FAM3B: variants seen among roughly 807,000 people sequenced by gnomAD.
FAM3B encodes the protein protein FAM3B.
Under a neutral mutation model 28.4 loss-of-function variants are expected in FAM3B, and 29 were observed. The ratio of observed to expected loss-of-function variants is 1.02; its 90% CI spans 0.76 to 1.39. The LOEUF is 1.39. Ranked by LOEUF, FAM3B falls within the 40% of genes most tolerant of loss-of-function variation. The pLI is 0.00. For missense variants in FAM3B, 266 were observed against 293.9 expected, an observed-to-expected ratio of 0.91 and a Z score of 0.69; for synonymous variants, 91 against 103.0, an observed-to-expected ratio of 0.88 and a Z score of 0.71.
At chr21:41,309,026 C>G (rs796576843) in intron 1 of FAM3B, among the ~76,000 whole-genome samples, 6 of 152,248 alleles carry the variant, frequency 3.9e-5, no homozygotes, top group African/African-American at 1.4e-4. Flanking sequence ...CAAGAAGACT[C>G]TGATGCAGGG....
At chr21:41,355,875 C>T (rs1323198410) in intron 7 of FAM3B, among the ~76,000 whole-genome samples, 1 of 152,124 alleles carries the variant, frequency 6.6e-6, no homozygotes. Flanking sequence ...GGATATATTA[C>T]TGGAATTCCA....
intron 3 of FAM3B, among the ~76,000 whole-genome samples, chr21:41,342,687 C>T (rs1464552700): frequency 6.6e-6 from 1 of 152,158 alleles, no homozygotes; most frequent in Admixed American, 6.5e-5. Context: ...TTAAAATCAG[C>T]ATGTCAGTTT....
chr21:41,314,686 C>T (rs2088734264), upstream of FAM3B, among the ~76,000 whole-genome samples: 1 of 151,780 alleles, frequency 6.6e-6, no homozygotes, highest in Admixed American at 6.6e-5. Flanking sequence ...AGATACTCAA[C>T]ACTACTAGCA....
intron 2 of FAM3B, among the ~76,000 whole-genome samples, chr21:41,323,943 TG>T (rs912739843): frequency 1.3e-5 from 2 of 152,182 alleles, no homozygotes; most frequent in African/African-American, 4.8e-5. Flanking sequence ...TGTTGGAGGC[TG>T]GGAAGTTCAA....
At chr21:41,338,240 G>A (rs553261971) in intron 2 of FAM3B, 138 bp from the exon 3 acceptor site, 30 of 934,598 alleles carry the variant, frequency 3.2e-5, no homozygotes, top group Non-Finnish European at 4.7e-5. Flanking sequence ...GTGAAGTCTG[G>A]AAACCCTTCC....
At chr21:41,310,245 G>A (rs1001117810) in intron 1 of FAM3B, among the ~76,000 whole-genome samples, 18 of 149,716 alleles carry the variant, frequency 1.2e-4, no homozygotes, top group African/African-American at 3.9e-4. Flanking sequence ...ACCCCACCCC[G>A]GCCCCGCATC....
chr21:41,332,242 C>T (rs1333375301), intron 2 of FAM3B, among the ~76,000 whole-genome samples: 1 of 152,174 alleles, frequency 6.6e-6, no homozygotes, highest in Non-Finnish European at 1.5e-5. Flanking sequence ...TTCCTGAGGC[C>T]TCCCTAGAAG....
chr21:41,355,692 C>T (rs1249251163), intron 7 of FAM3B, among the ~76,000 whole-genome samples: 1 of 152,036 alleles, frequency 6.6e-6, no homozygotes, highest in Non-Finnish European at 1.5e-5. Context: ...AAAGGAGATT[C>T]GTGGCTGCTA....
upstream of FAM3B, among the ~76,000 whole-genome samples, chr21:41,313,661 C>T (rs1468598639): frequency 1.6e-5 from 1 of 61,722 alleles, no homozygotes; most frequent in African/African-American, 7.0e-5. Flanking sequence ...GTATGCATGT[C>T]GCATTTGATC....
At chr21:41,337,184 T>C (rs1324618232) in intron 2 of FAM3B, among the ~76,000 whole-genome samples, 1 of 152,260 alleles carries the variant, frequency 6.6e-6, no homozygotes, top group Non-Finnish European at 1.5e-5. Flanking sequence ...AAGAGTACAG[T>C]AATTCATAAA....
At chr21:41,316,051 G>A (rs1053211124), upstream of FAM3B, among the ~76,000 whole-genome samples, 1 of 152,228 alleles carries the variant, frequency 6.6e-6, no homozygotes, top group Non-Finnish European at 1.5e-5. Context: ...AGGCCACTGT[G>A]ACTATCATGG....
chr21:41,312,077 C>G (rs2088717691), upstream of FAM3B, among the ~76,000 whole-genome samples: 1 of 152,222 alleles, frequency 6.6e-6, no homozygotes, highest in African/African-American at 2.4e-5. Context: ...ATTCAATCAT[C>G]TTTCACTAGA....
chr21:41,354,043 A>C (rs2089143746), intron 7 of FAM3B, among the ~76,000 whole-genome samples: 1 of 152,216 alleles, frequency 6.6e-6, no homozygotes, highest in African/African-American at 2.4e-5. Flanking sequence ...AAAAAGCTCA[A>C]CATCACTGAT....
intron 3 of FAM3B, 120 bp downstream of exon 3, chr21:41,338,621 A>G: frequency 1.5e-6 from 2 of 1,351,178 alleles, no homozygotes; most frequent in South Asian, 2.9e-5. Flanking sequence ...GGTCTCAGGC[A>G]AAAGGCTGAG....
intron 7 of FAM3B, among the ~76,000 whole-genome samples, chr21:41,354,271 AATCCCATTACTG>A (rs2089145946): frequency 6.6e-6 from 1 of 152,264 alleles, no homozygotes. Context: ...TTTGACCAGC[AATCCCATTACTG>A]GGAATATTCC....
intron 4 of FAM3B, among the ~76,000 whole-genome samples, chr21:41,345,401 G>T (rs1228529902): frequency 6.6e-6 from 1 of 152,120 alleles, no homozygotes; most frequent in African/African-American, 2.4e-5. Context: ...GGTCTCTGGT[G>T]TTTCTGTGAG....
chr21:41,340,000 G>A (rs1266756831), intron 3 of FAM3B, among the ~76,000 whole-genome samples: 1 of 152,116 alleles, frequency 6.6e-6, no homozygotes, highest in East Asian at 1.9e-4. Context: ...TTCTCAGTTT[G>A]AGAATCAATA....
At position 41,349,047 on chromosome 21, in the gene FAM3B, G is replaced by C. The variant is rs561153256; in HGVS notation, c.618+323G>C. Among the ~76,000 whole-genome samples, 11 of 152,288 alleles carry C rather than the reference G, an allele frequency of 7.2e-5. No homozygotes were observed. In the South Asian group the frequency reaches 2.1e-3, roughly 29 times the overall value. ...GAAAGTAAGAGAGCTCACCTCTTAGGATGGCTGAGAGCATGAACAGACATG... is the reference window on the plus strand; with the variant it reads ...GAAAGTAAGAGAGCTCACCTCTTAGCATGGCTGAGAGCATGAACAGACATG... On this transcript the variant is annotated intron_variant, in intron 7 of 7. Transcript: ENST00000357985.
intron 1 of FAM3B, among the ~76,000 whole-genome samples, chr21:41,319,002 C>G (rs562455005): frequency 6.6e-6 from 1 of 152,330 alleles, no homozygotes; most frequent in Non-Finnish European, 1.5e-5. Flanking sequence ...ACGAAATCCT[C>G]CTGCCTCAGC....
Sources: gnomAD v4.1 joint callset for allele counts (sites outside exome capture counted in the v4.1 genomes callset) on GRCh38, gnomAD v4.1.1 for gene constraint, MANE v1.5 for transcripts, NCBI Gene and HGNC (gene_info 2026-07-23, HGNC 2026-07-21) for gene names.